Variants in SLC9A8 observed in about 807,000 individuals in gnomAD.
SLC9A8 encodes sodium/hydrogen exchanger 8.
Under a neutral mutation model 66.6 loss-of-function variants are expected in SLC9A8, and 48 were observed. The observed-to-expected ratio is 0.72, with a 90% CI of 0.57 to 0.92. SLC9A8 has a LOEUF of 0.92. Among genes scored for constraint, SLC9A8 ranks in the 40% least tolerant of loss-of-function variants. The pLI, the probability that SLC9A8 is intolerant of heterozygous loss-of-function variation, is 0.00. For synonymous variants in SLC9A8, 274 were observed against 282.6 expected (o/e 0.97, Z 0.31); for missense variants, 599 against 747.3 (o/e 0.80, Z 2.31).
intron 13 of SLC9A8, among the ~76,000 whole-genome samples, chr20:49,881,247 C>T (rs2089616344): frequency 6.6e-6 from 1 of 152,128 alleles, no homozygotes; most frequent in Admixed American, 6.6e-5. Context: ...AACAACATGC[C>T]CAGGGTCACG....
intron 8 of SLC9A8, among the ~76,000 whole-genome samples, chr20:49,862,615 A>G (rs1435401672): frequency 6.6e-6 from 1 of 151,984 alleles, no homozygotes; most frequent in Non-Finnish European, 1.5e-5. Context: ...TGAGTTAGTT[A>G]CCTACCCACC....
At chr20:49,826,046 G>A (rs1473743955) in intron 3 of SLC9A8, among the ~76,000 whole-genome samples, 3 of 152,202 alleles carry the variant, frequency 2.0e-5, no homozygotes, top group Non-Finnish European at 4.4e-5. Flanking sequence ...TGATGTTGCA[G>A]AAATAATTGT....
Position 49,830,199 on chromosome 20 carries a change from A to G in SLC9A8, c.289+7058A>G, listed in dbSNP as rs969934327. The G allele has an allele frequency of 5.0e-6, 4 of 799,926 alleles. No homozygotes were observed. In the Admixed American group the frequency reaches 5.1e-5, roughly 10 times the overall value. The allele number at this position is 799,926 out of a possible 1,614,324, so 49.6% of individuals were successfully genotyped here. ...CACCTCCATCCGGGCAGCTGACAGC[A>G]CGGCCGTGAATGGCAGCATCACAGA... On this transcript the variant is annotated intron_variant, in intron 3 of 15. Coordinates refer to ENST00000361573, the MANE Select transcript of SLC9A8 (RefSeq NM_015266.3).
chr20:49,818,118 T>A (rs1331401861), intron 2 of SLC9A8, among the ~76,000 whole-genome samples: 1 of 152,124 alleles, frequency 6.6e-6, no homozygotes, highest in East Asian at 1.9e-4. Flanking sequence ...GCGTGGAGCA[T>A]TTAAGATTAG....
intron 10 of SLC9A8, among the ~76,000 whole-genome samples, chr20:49,873,202 C>G (rs1048130899): frequency 7.2e-5 from 11 of 152,188 alleles, no homozygotes; most frequent in Admixed American, 5.9e-4. Flanking sequence ...ACACATTTAG[C>G]TGGGTGCAGT....
chr20:49,872,746 A>G (rs1438258318), intron 10 of SLC9A8, among the ~76,000 whole-genome samples: 1 of 152,044 alleles, frequency 6.6e-6, no homozygotes, highest in South Asian at 2.1e-4. Context: ...CGGCCTCCCA[A>G]AGTGCTGGGA....
intron 1 of SLC9A8, among the ~76,000 whole-genome samples, chr20:49,813,326 C>T (rs2086428448): frequency 6.6e-6 from 1 of 152,246 alleles, no homozygotes; most frequent in African/African-American, 2.4e-5. Flanking sequence ...CCAGTCGCCT[C>T]CTGTATAACG....
rs1032057507 is a variant in SLC9A8 at position 49,888,647 on chromosome 20, T to G, written c.*711T>G. 1.2e-4 allele frequency: 18 copies of G among 152,608 alleles called. No individual in the cohort carries two copies. Among genetic ancestry groups the G allele is most frequent in the African/African-American group, 4.1e-4 (17 of 41,418 alleles). 9.5% of individuals were successfully genotyped at this position (152,608 alleles called of 1,614,324 possible). ...CCCCCTGCAAGCTGCAACTCTAGGC[T>G]TTTATCTTGCGGGGTCAGAGCGCCC... On this transcript the variant is annotated 3_prime_UTR_variant, in exon 16 of 16. Coordinates refer to ENST00000361573, the MANE Select transcript of SLC9A8 (RefSeq NM_015266.3).
At chr20:49,834,390 ATATATATATACTGTGTATATATATATACT>A (rs2087411017) in intron 3 of SLC9A8, among the ~76,000 whole-genome samples, 1 of 71,752 alleles carries the variant, frequency 1.4e-5, no homozygotes, top group Non-Finnish European at 2.4e-5. Context: ...TATACTGTGT[ATATATATATACTGTGTATATATATATACT>A]GTATATATAT....
intron 4 of SLC9A8, among the ~76,000 whole-genome samples, chr20:49,840,201 A>T (rs1298704705): frequency 6.6e-6 from 1 of 152,154 alleles, no homozygotes; most frequent in Non-Finnish European, 1.5e-5. Context: ...TTTCTCCACC[A>T]TACCACCCCG....
chr20:49,817,133 C>A (rs1375721106), intron 2 of SLC9A8, among the ~76,000 whole-genome samples: 1 of 151,344 alleles, frequency 6.6e-6, no homozygotes, highest in Non-Finnish European at 1.5e-5. Flanking sequence ...CTGGCCAACA[C>A]GATGACTCCA....
At chr20:49,882,946 T>C (rs2089684441) in intron 13 of SLC9A8, among the ~76,000 whole-genome samples, 1 of 152,014 alleles carries the variant, frequency 6.6e-6, no homozygotes, top group Non-Finnish European at 1.5e-5. Context: ...CATGGTGATG[T>C]GAGCCTCCCC....
At chr20:49,830,519 T>C (rs2087130472) in intron 3 of SLC9A8, 2 of 705,614 alleles carry the variant, frequency 2.8e-6, no homozygotes, top group African/African-American at 1.8e-5. Flanking sequence ...CGGTGGACGC[T>C]GACATAGTCA....
intron 1 of SLC9A8, among the ~76,000 whole-genome samples, chr20:49,813,301 CCACCTCCTACGTAGCCAGT>C (rs1455979948): frequency 6.6e-6 from 1 of 152,224 alleles, no homozygotes; most frequent in Admixed American, 6.5e-5. Context: ...TTCTCCACAC[CCACCTCCTACGTAGCCAGT>C]CGCCTCCTGT....
At chr20:49,824,631 C>T (rs6063438) in intron 3 of SLC9A8, among the ~76,000 whole-genome samples, 30,356 of 152,162 alleles carry the variant, frequency 0.2, 3,046 homozygotes, top group Middle Eastern at 0.22. Context: ...TCTTGAATGT[C>T]TGGGTAACTG....
chr20:49,881,935 G>A (rs1433256116), intron 13 of SLC9A8, among the ~76,000 whole-genome samples: 6 of 152,144 alleles, frequency 3.9e-5, no homozygotes, highest in African/African-American at 1.2e-4. Flanking sequence ...GGATAAGAGA[G>A]CGTTATGGGG....
chr20:49,823,344 G>T (rs755406571), intron 3 of SLC9A8, among the ~76,000 whole-genome samples: 14 of 152,050 alleles, frequency 9.2e-5, no homozygotes, highest in Non-Finnish European at 1.5e-4. Context: ...ACCTCCTAAA[G>T]GTCATGTAGA....
intron 5 of SLC9A8, among the ~76,000 whole-genome samples, chr20:49,847,378 TTTTC>T (rs1483144243): frequency 3.5e-5 from 5 of 144,748 alleles, no homozygotes; most frequent in Non-Finnish European, 4.6e-5. Context: ...AAAGTTTTTC[TTTTC>T]TTTTTTTTTT....
At chr20:49,836,557 C>T (rs2087543822) in intron 3 of SLC9A8, among the ~76,000 whole-genome samples, 2 of 152,064 alleles carry the variant, frequency 1.3e-5, no homozygotes, top group African/African-American at 4.8e-5. Flanking sequence ...CTTGAACTGA[C>T]CTCAAGCAGT....
Sources: allele counts gnomAD v4.1 joint callset (sites outside exome capture counted in the v4.1 genomes callset), GRCh38; gene constraint gnomAD v4.1.1; transcripts MANE v1.5; gene names NCBI Gene and HGNC (gene_info 2026-07-23, HGNC 2026-07-21).